The following PDE1C variants were observed in gnomAD, a reference collection of about 807,000 sequenced individuals.
PDE1C encodes the protein phosphodiesterase 1C.
In PDE1C, 62 loss-of-function variants were observed where a neutral mutation model predicts 93.1. The ratio of observed to expected loss-of-function variants is 0.67; its 90% CI spans 0.54 to 0.82. The LOEUF (loss-of-function observed/expected upper bound fraction) is 0.82. Among genes scored for constraint, PDE1C ranks in the 40% least tolerant of loss-of-function variants. PDE1C has a pLI of 0.00. For missense variants in PDE1C, 742 were observed against 884.6 expected (o/e 0.84, Z 2.04); for synonymous variants, 325 against 310.1 (o/e 1.05, Z -0.50).
At chr7:32,125,373 T>G (rs1236502075) in intron 3 of PDE1C, among the ~76,000 whole-genome samples, 3 of 152,190 alleles carry the variant, frequency 2.0e-5, no homozygotes, top group Non-Finnish European at 4.4e-5. Context: ...ACTGGGTATA[T>G]ACCCAAAAGA....
chr7:31,854,367 T>C (rs1423740851), intron 7 of PDE1C, among the ~76,000 whole-genome samples: 1 of 152,180 alleles, frequency 6.6e-6, no homozygotes, highest in African/African-American at 2.4e-5. Flanking sequence ...TGTCAACCCA[T>C]AAGAAGTCAG....
At chr7:31,671,811 C>G in the PDE1C span, among the ~76,000 whole-genome samples, 1 of 152,156 alleles carries the variant, frequency 6.6e-6, no homozygotes, top group Admixed American at 6.5e-5. Context: ...TCAAATCTCT[C>G]AGGGAAATCC....
At chr7:32,032,650 T>C (rs1458064593) in intron 2 of PDE1C, among the ~76,000 whole-genome samples, 1 of 152,086 alleles carries the variant, frequency 6.6e-6, no homozygotes, top group Non-Finnish European at 1.5e-5. Context: ...ACCTACCATC[T>C]TATGGTCACA....
intron 2 of PDE1C, among the ~76,000 whole-genome samples, chr7:31,956,164 G>A (rs1808107324): frequency 6.6e-6 from 1 of 152,098 alleles, no homozygotes; most frequent in Non-Finnish European, 1.5e-5. Flanking sequence ...TGCGATCTCG[G>A]CTCACTGCAA....
chr7:32,127,169 T>C (rs1394826597), intron 3 of PDE1C, among the ~76,000 whole-genome samples: 1 of 152,190 alleles, frequency 6.6e-6, no homozygotes. Flanking sequence ...GTCTTTAGCC[T>C]GCCAGCCTTC....
the PDE1C span, among the ~76,000 whole-genome samples, chr7:31,640,388 TTCTC>T: frequency 1.3e-5 from 2 of 152,070 alleles, no homozygotes; most frequent in South Asian, 2.1e-4. Flanking sequence ...CCCTCTAGAG[TTCTC>T]TCTGTGTGCA....
chr7:32,002,645 C>T (rs995441130), intron 2 of PDE1C, among the ~76,000 whole-genome samples: 5 of 152,122 alleles, frequency 3.3e-5, no homozygotes, highest in African/African-American at 1.2e-4. Flanking sequence ...AGAGAATAAA[C>T]ACAACACACA....
rs60426068 is a variant in PDE1C, at chr7:32,403,729, C to T, written c.310+24093G>A. 2.2e-4 allele frequency among the ~76,000 whole-genome samples: 33 copies of T among 152,252 alleles called. 1 individual carries two copies. The East Asian group carries it at 6.4e-3, about 29-fold the overall frequency. ...CGTCTTATACCCCCACGCTTTGGCA[C>T]GGAGCTCCCTCAATCGTCCTAAATT... On this transcript the variant is annotated intron_variant, in intron 1 of 1. Transcript: ENST00000672256.
chr7:32,129,560 C>A (rs201853921), intron 3 of PDE1C, among the ~76,000 whole-genome samples: 10 of 123,598 alleles, frequency 8.1e-5, no homozygotes, highest in African/African-American at 2.7e-4. Context: ...TCAAGTTTCT[C>A]TTTGTCATGA....
the PDE1C span, among the ~76,000 whole-genome samples, chr7:31,664,300 C>A: frequency 6.7e-6 from 1 of 149,364 alleles, no homozygotes; most frequent in Non-Finnish European, 1.5e-5. Context: ...CGCACAGAGC[C>A]AGTTGAGATT....
chr7:32,387,684 C>T (rs1354047370), intron 1 of PDE1C, among the ~76,000 whole-genome samples: 6 of 137,084 alleles, frequency 4.4e-5, no homozygotes, highest in South Asian at 2.4e-4. Flanking sequence ...GGGGGCTGAC[C>T]CCCCCCACCT....
At chr7:32,395,775 G>T (rs535604629) in intron 1 of PDE1C, among the ~76,000 whole-genome samples, 7 of 152,194 alleles carry the variant, frequency 4.6e-5, no homozygotes, top group African/African-American at 1.7e-4. Context: ...ATTTGTTAGA[G>T]ATATAATAAA....
intron 13 of PDE1C, among the ~76,000 whole-genome samples, chr7:31,824,407 G>A (rs894339102): frequency 6.6e-6 from 1 of 152,174 alleles, no homozygotes; most frequent in African/African-American, 2.4e-5. Context: ...AGTAAGTGAT[G>A]AGGAGCTGCC....
intron 3 of PDE1C, among the ~76,000 whole-genome samples, chr7:32,105,883 A>G (rs1168235219): frequency 6.6e-6 from 1 of 152,038 alleles, no homozygotes; most frequent in African/African-American, 2.4e-5. Context: ...CAACTACACT[A>G]TATTAGAAAT....
rs561455061 is a variant in PDE1C at position 31,834,854 on chromosome 7, G to A, written c.1203+2326C>T. ...ATGTTAGAATACGAGATTTGGGAGG[G>A]GTCAGGGTGGAATGACATGGTTTGG... On this transcript the variant is annotated intron_variant, in intron 11 of 17. Transcript: ENST00000396191. Among the ~76,000 whole-genome samples the A allele has an allele frequency of 1.4e-4, 21 of 152,108 alleles. No homozygotes were observed. The East Asian group carries it at 1.5e-3, about 11-fold the overall frequency.
At chr7:32,093,294 C>A (rs766263130) in intron 3 of PDE1C, among the ~76,000 whole-genome samples, 1 of 152,146 alleles carries the variant, frequency 6.6e-6, no homozygotes, top group Non-Finnish European at 1.5e-5. Context: ...CCCCATTTTC[C>A]CAAACATTCA....
At chr7:31,711,885 C>A in the PDE1C span, among the ~76,000 whole-genome samples, 1 of 152,148 alleles carries the variant, frequency 6.6e-6, no homozygotes, top group African/African-American at 2.4e-5. Context: ...TTCCCCCCAC[C>A]CTGCTTTGGA....
At chr7:31,690,700 C>T in the PDE1C span, among the ~76,000 whole-genome samples, 1 of 152,202 alleles carries the variant, frequency 6.6e-6, no homozygotes, top group Admixed American at 6.5e-5. Flanking sequence ...AAGTTAAAAA[C>T]CGCCTTACCT....
At chr7:31,907,658 C>T (rs887750496) in intron 2 of PDE1C, among the ~76,000 whole-genome samples, 10 of 151,422 alleles carry the variant, frequency 6.6e-5, no homozygotes, top group Non-Finnish European at 1.0e-4. Context: ...TATTTCAGGG[C>T]GAAAAGTAAT....
Sources: allele counts gnomAD v4.1 joint callset (sites outside exome capture counted in the v4.1 genomes callset), GRCh38; gene constraint gnomAD v4.1.1; transcripts MANE v1.5; gene names NCBI Gene and HGNC (gene_info 2026-07-23, HGNC 2026-07-21).